MTCL2: variants seen among roughly 807,000 people sequenced by gnomAD.
MTCL2 encodes microtubule crosslinking factor 2.
At chr20:36,841,284 G>A in the MTCL2 span, among the ~76,000 whole-genome samples, 3 of 151,352 alleles carry the variant, frequency 2.0e-5, no homozygotes, top group African/African-American at 4.9e-5. Flanking sequence ...AGTGAGCCGA[G>A]ATTGCACCAT....
chr20:36,858,335 C>CAA, the MTCL2 span, among the ~76,000 whole-genome samples: 2 of 123,094 alleles, frequency 1.6e-5, no homozygotes, highest in South Asian at 5.9e-4. Flanking sequence ...CACACACACA[C>CAA]ACACACACAC....
At chr20:36,830,511 T>G in the MTCL2 span, among the ~76,000 whole-genome samples, 1 of 152,094 alleles carries the variant, frequency 6.6e-6, no homozygotes, top group Admixed American at 6.6e-5. Flanking sequence ...GAGGTTGCAG[T>G]GAGCTATGAT....
the MTCL2 span, among the ~76,000 whole-genome samples, chr20:36,855,469 G>A: frequency 6.6e-6 from 1 of 152,226 alleles, no homozygotes; most frequent in Non-Finnish European, 1.5e-5. Context: ...GGCCTCCAGT[G>A]ATGCCAGGGT....
the MTCL2 span, among the ~76,000 whole-genome samples, chr20:36,809,734 C>T: frequency 8.5e-5 from 13 of 152,174 alleles, no homozygotes; most frequent in African/African-American, 2.9e-4. Flanking sequence ...CTAGTGCACG[C>T]CTGGCTAATT....
At chr20:36,816,054 C>T in the MTCL2 span, 7 of 1,613,546 alleles carry the variant, frequency 4.3e-6, no homozygotes, top group Non-Finnish European at 5.9e-6. Flanking sequence ...CTCCACGATG[C>T]GGCGGCTCAG....
the MTCL2 span, among the ~76,000 whole-genome samples, chr20:36,835,945 A>C: frequency 6.6e-6 from 1 of 151,996 alleles, no homozygotes; most frequent in Non-Finnish European, 1.5e-5. Flanking sequence ...CCTCTTCCTC[A>C]TCTTTCTGAA....
chr20:36,828,900 G>T, the MTCL2 span: 1 of 765,486 alleles, frequency 1.3e-6, no homozygotes, highest in Non-Finnish European at 2.0e-6. Flanking sequence ...CTCAGGAAAT[G>T]CATGTTGGAG....
At chr20:36,861,310 C>T in the MTCL2 span, among the ~76,000 whole-genome samples, 11 of 152,170 alleles carry the variant, frequency 7.2e-5, no homozygotes, top group African/African-American at 9.7e-5. Context: ...TTGCCAACAC[C>T]GAACCCGGCC....
the MTCL2 span, among the ~76,000 whole-genome samples, chr20:36,802,250 C>T: frequency 5.9e-5 from 9 of 152,048 alleles, no homozygotes; most frequent in African/African-American, 2.2e-4. Context: ...TGCTCTCTAG[C>T]CTGGGTGACA....
At chr20:36,811,652 A>G in the MTCL2 span, among the ~76,000 whole-genome samples, 1 of 151,980 alleles carries the variant, frequency 6.6e-6, no homozygotes, top group Non-Finnish European at 1.5e-5. Context: ...CAAAAAAAAG[A>G]ATAGGCCTAT....
the MTCL2 span, chr20:36,817,287 AAAG>A: frequency 1.1e-6 from 1 of 923,842 alleles, no homozygotes; most frequent in South Asian, 1.8e-5. Flanking sequence ...AAAAAAAAGA[AAAG>A]AAAAAAAGGA....
the MTCL2 span, chr20:36,777,490 G>A: frequency 1.2e-4 from 39 of 324,118 alleles, no homozygotes; most frequent in Middle Eastern, 1.7e-3. Context: ...CATTAAAAAC[G>A]CTTTATAAGT....
At chr20:36,796,578 C>T in the MTCL2 span, among the ~76,000 whole-genome samples, 1 of 152,184 alleles carries the variant, frequency 6.6e-6, no homozygotes, top group Admixed American at 6.5e-5. Flanking sequence ...AAAAGAATCC[C>T]AAGAGGAGCA....
chr20:36,839,340 C>T, the MTCL2 span: 1 of 1,612,914 alleles, frequency 6.2e-7, no homozygotes, highest in South Asian at 1.1e-5. This position sits in a 1 kb window ranked among gnomAD's most constrained non-coding sequence, Gnocchi z 5.1. Context: ...TCTTGCTGGC[C>T]TGGTCCAGCT....
chr20:36,821,869 A>G, the MTCL2 span, among the ~76,000 whole-genome samples: 1 of 152,220 alleles, frequency 6.6e-6, no homozygotes, highest in Admixed American at 6.5e-5. Flanking sequence ...CTAAGCACAT[A>G]CTACTACCTG....
At chr20:36,854,513 C>T in the MTCL2 span, among the ~76,000 whole-genome samples, 8 of 151,962 alleles carry the variant, frequency 5.3e-5, no homozygotes, top group Non-Finnish European at 1.0e-4. Context: ...AGCAAGAGCA[C>T]GGGACAGAGG....
the MTCL2 span, chr20:36,805,935 T>C: frequency 6.2e-7 from 1 of 1,612,926 alleles, no homozygotes; most frequent in East Asian, 2.2e-5. Flanking sequence ...CATCAGCAAG[T>C]ACAGCTCCTT....
the MTCL2 span, among the ~76,000 whole-genome samples, chr20:36,836,751 C>T: frequency 1.4e-4 from 21 of 152,112 alleles, no homozygotes; most frequent in African/African-American, 4.3e-4. Flanking sequence ...CCTCCCAAAG[C>T]GCTGGGATTC....
chr20:36,843,204 G>A, the MTCL2 span, among the ~76,000 whole-genome samples: 9 of 152,224 alleles, frequency 5.9e-5, no homozygotes, highest in Non-Finnish European at 1.2e-4. Context: ...TGCCTGCCCA[G>A]ATGGGGAGGA....
Sources: allele counts gnomAD v4.1 joint callset (sites outside exome capture counted in the v4.1 genomes callset), GRCh38; gene constraint gnomAD v4.1.1; non-coding constraint Gnocchi (gnomAD v3.1); transcripts MANE v1.5; gene names NCBI Gene and HGNC (gene_info 2026-07-23, HGNC 2026-07-21).